The following CA9 variants were observed in gnomAD, a reference collection of about 807,000 sequenced individuals.
CA9 encodes the protein CA-IX.
Under a neutral mutation model 51.8 loss-of-function variants are expected in CA9, and 43 were observed. The observed-to-expected ratio is 0.83, with a 90% CI of 0.65 to 1.07. The LOEUF is 1.07. Among genes scored for constraint, CA9 ranks in the 50% least tolerant of loss-of-function variants. The pLI is 0.00. For missense variants in CA9, 574 were observed against 581.4 expected, an observed-to-expected ratio of 0.99 and a Z score of 0.13; for synonymous variants, 253 against 244.2, an observed-to-expected ratio of 1.04 and a Z score of -0.34.
chr9:35,676,248 G>A lies in CA9; in HGVS notation c.747+42G>A, dbSNP rs190072580. 4,284 of 1,613,506 alleles carry A rather than the reference G, an allele frequency of 2.7e-3. 11 individuals are homozygous for A. Among genetic ancestry groups the A allele is most frequent in the Non-Finnish European group, 2.8e-3 (3,332 of 1,179,826 alleles). Reference sequence around the variant, plus strand: ...CCGAGAAGGGGCAAAGGAGCGGGGCGGAGCGGGGCCAGAGACGTGGCCCTC... The same window carrying A: ...CCGAGAAGGGGCAAAGGAGCGGGGCAGAGCGGGGCCAGAGACGTGGCCCTC... On this transcript the variant is annotated intron_variant, in intron 4 of 10. Transcript: ENST00000378357.
At chr9:35,677,706 C>CT (rs1824452051) in intron 5 of CA9, 84 bp from the exon 6 acceptor site, 1 of 1,048,100 alleles carries the variant, frequency 9.5e-7, no homozygotes, top group Non-Finnish European at 1.5e-6. Flanking sequence ...TGGGAGAGGT[C>CT]TATGGGAACC....
intron 6 of CA9, 117 bp downstream of exon 6, chr9:35,677,973 A>C: frequency 1.2e-6 from 1 of 808,978 alleles, no homozygotes; most frequent in Non-Finnish European, 2.2e-6. Context: ...GGATTGAAGC[A>C]TGAGCCAGCG....
rs570859735 is a variant in CA9 at position 35,676,163 on chromosome 9, C to T, written c.704C>T (p.Pro235Leu). Residue 235 changes from proline to leucine, a missense_variant, in exon 4 of 11, where the codon CCG becomes CTG. By Grantham distance (98) the Pro-to-Leu change is moderately conservative. Coordinates refer to ENST00000378357, the MANE Select transcript of CA9 (RefSeq NM_001216.3). ...LHLHWGAAGR[P>L]GSEHTVEGHR... Reference sequence around the variant, plus strand: ...CTGCACTGGGGGGCTGCAGGTCGTCCGGGCTCGGAGCACACTGTGGAAGGC... The same window carrying T: ...CTGCACTGGGGGGCTGCAGGTCGTCTGGGCTCGGAGCACACTGTGGAAGGC... 3 of 1,612,284 alleles carry T rather than the reference C, an allele frequency of 1.9e-6. No individual in the cohort carries two copies. Among genetic ancestry groups the T allele is most frequent in the Middle Eastern group, 3.3e-4 (2 of 6,048 alleles).
At chr9:35,674,413 C>T in intron 1 of CA9, 51 bp downstream of exon 1, 5 of 1,520,770 alleles carry the variant, frequency 3.3e-6, no homozygotes, top group Non-Finnish European at 4.5e-6. Flanking sequence ...TCATGACTCC[C>T]CTCCCATACC....
intron 9 of CA9, 31 bp downstream of exon 9, chr9:35,680,170 C>T (rs764546729): frequency 8.7e-6 from 14 of 1,613,818 alleles, no homozygotes; most frequent in Non-Finnish European, 1.2e-5. Context: ...GGTCCTGATG[C>T]CAGGAGACTC....
At position 35,676,072 on chromosome 9, in the gene CA9, AC is replaced by A; in HGVS notation, c.616del (p.Leu206CysfsTer5). The A allele has an allele frequency of 6.2e-7, 1 of 1,612,816 alleles. No individual in the cohort carries two copies. The highest frequency in any genetic ancestry group is 8.5e-7 in the Non-Finnish European group (1 of 1,179,706). On this transcript the variant is annotated frameshift_variant, in exon 4 of 11. Coordinates refer to ENST00000378357, the MANE Select transcript of CA9 (RefSeq NM_001216.3). LOFTEE classifies it high-confidence loss of function. ...LRNNGHSVQLTLPPGLEMALG... is the reference protein window; with the variant it reads ...LRNNGHSVQLXLPPGLEMALG... ...TGCCTCTCCCTACGCAGTGCAACTG[AC>A]CCTGCCTCCTGGGCTAGAGATGGCT...
rs201260414 is a variant in CA9 at position 35,674,193 on chromosome 9, C to CGGAGAGGAGGATCTACCT, written c.272_289dup (p.Gly91_Pro96dup). Reference sequence around the variant, plus strand: ...ATTCACCCAGAGAGGAGGATCCACCCGGAGAGGAGGATCTACCTGGAGAGG... The same window carrying CGGAGAGGAGGATCTACCT: ...ATTCACCCAGAGAGGAGGATCCACCCGGAGAGGAGGATCTACCTGGAGAGGAGGATCTACCTGGAGAGG... On this transcript the variant is annotated inframe_insertion, in exon 1 of 11. Coordinates refer to ENST00000378357, the MANE Select transcript of CA9 (RefSeq NM_001216.3). 69 of 1,612,412 alleles carry CGGAGAGGAGGATCTACCT rather than the reference C, an allele frequency of 4.3e-5. No homozygotes were observed. Among genetic ancestry groups the CGGAGAGGAGGATCTACCT allele is most frequent in the African/African-American group, 5.3e-5 (4 of 74,770 alleles).
intron 3 of CA9, 55 bp from the exon 4 acceptor site, chr9:35,676,009 G>T: frequency 6.2e-7 from 1 of 1,605,644 alleles, no homozygotes; most frequent in Non-Finnish European, 8.5e-7. Flanking sequence ...TGCCTGCCCG[G>T]GGGTTGGGCT....
chr9:35,675,228 A>G, intron 1 of CA9: 1 of 415,818 alleles, frequency 2.4e-6, no homozygotes, highest in South Asian at 2.9e-5. Context: ...TCCTGATCTC[A>G]GGTGATCCAA....
intron 7 of CA9, 68 bp downstream of exon 7, chr9:35,679,410 A>G (rs926532811): frequency 1.3e-6 from 2 of 1,537,240 alleles, no homozygotes; most frequent in Non-Finnish European, 1.8e-6. Context: ...GATGAGAAAC[A>G]GGAGAAGAAA....
intron 2 of CA9, 77 bp downstream of exon 2, chr9:35,675,644 A>T (rs1824400766): frequency 1.3e-6 from 2 of 1,588,286 alleles, no homozygotes; most frequent in Non-Finnish European, 1.7e-6. Context: ...GTCCCTGAAC[A>T]CTGGTCCCGG....
intron 5 of CA9, among the ~76,000 whole-genome samples, chr9:35,676,996 G>A (rs1824435732): frequency 6.6e-6 from 1 of 152,150 alleles, no homozygotes; most frequent in South Asian, 2.1e-4. Flanking sequence ...GGGGTTACAG[G>A]TGTGTGCCAC....
In CA9 at chr9:35,678,695, C is replaced by CTTTTTTTT. The variant is rs746454806; in HGVS notation, c.908-486_908-485insTTTTTTTT. On this transcript the variant is annotated intron_variant, in intron 6 of 10. Transcript: ENST00000378357. ...AGTTATTCAGATCATTTTTTCTTTT[C>CTTTTTTTT]TTTTCTTTTTTTTTTTTTTTACATC... 4.0e-4 allele frequency among the ~76,000 whole-genome samples: 52 copies of CTTTTTTTT among 129,840 alleles called. 1 individual carries two copies. Among genetic ancestry groups the CTTTTTTTT allele is most frequent in the South Asian group, 9.6e-4 (4 of 4,162 alleles). 85.2% of individuals were successfully genotyped at this position (129,840 alleles called of 152,430 possible).
chr9:35,674,568 A>G, intron 1 of CA9: 1 of 539,434 alleles, frequency 1.9e-6, no homozygotes. Flanking sequence ...AAGGGTGCAA[A>G]AGGAGAGAGG....
chr9:35,680,043 TC>T (rs1461418915), intron 8 of CA9, 45 bp downstream of exon 8: 2 of 1,614,016 alleles, frequency 1.2e-6, no homozygotes, highest in African/African-American at 2.7e-5. Flanking sequence ...TCCCTTATCC[TC>T]CCATGTGTGT....
Position 35,677,777 on chromosome 9 carries a change from T to C in CA9, c.841-13T>C. The C allele has an allele frequency of 6.2e-7, 1 of 1,612,626 alleles. No homozygotes were observed. Among genetic ancestry groups the C allele is most frequent in the Middle Eastern group, 1.7e-4 (1 of 6,060 alleles). On this transcript the variant is annotated splice_polypyrimidine_tract_variant and intron_variant, in intron 5 of 10. Transcript: ENST00000378357. ...ATACATGCACTCATCTGTCTTACAA[T>C]GTCATCCCCCAGGAGGGCCCGGAAG... is the stretch of plus-strand genomic sequence containing the variant.
Position 35,676,298 on chromosome 9 carries a change from T to A in CA9, c.749T>A (p.Ile250Asn). The change falls in exon 5 of 11, where the codon ATC becomes AAC. Residue 250 changes from isoleucine to asparagine, a missense_variant and splice_region_variant. By Grantham distance (149) the Ile-to-Asn change is moderately radical. Transcript: ENST00000378357. Reference protein sequence around the residue: ...TVEGHRFPAEIHVVHLSTAFA... With the variant: ...TVEGHRFPAENHVVHLSTAFA... ...CTCCTACCCTCGTGTCCTTTTCAGA[T>A]CCACGTGGTTCACCTCAGCACCGCC... 6.2e-7 allele frequency: 1 copy of A among 1,614,050 alleles called. No homozygotes were observed. The highest frequency in any genetic ancestry group is 1.7e-4 in the Middle Eastern group (1 of 6,060).
At chr9:35,677,224 A>G (rs59018318) in intron 5 of CA9, among the ~76,000 whole-genome samples, 2,980 of 152,280 alleles carry the variant, frequency 0.02, 96 homozygotes, top group African/African-American at 0.068. Flanking sequence ...TAGCATGTCA[A>G]TATGTTCATA....
chr9:35,679,147 C>A (rs757952877), intron 6 of CA9, 38 bp from the exon 7 acceptor site: 2 of 1,610,158 alleles, frequency 1.2e-6, no homozygotes, highest in Non-Finnish European at 1.7e-6. Flanking sequence ...TAAGGGGGTG[C>A]AATGTAGATG....
Sources: allele counts gnomAD v4.1 joint callset (sites outside exome capture counted in the v4.1 genomes callset), GRCh38; gene constraint gnomAD v4.1.1; transcripts MANE v1.5; gene names NCBI Gene and HGNC (gene_info 2026-07-23, HGNC 2026-07-21).